The following CMTM8 variants were observed in gnomAD, a reference collection of about 807,000 sequenced individuals.
CMTM8 encodes CKLF-like MARVEL transmembrane domain-containing protein 8.
A neutral mutation model predicts 18.6 loss-of-function variants in CMTM8; 12 were observed. That is an observed-to-expected ratio of 0.65 (90% CI 0.41 to 1.05). The LOEUF (loss-of-function observed/expected upper bound fraction) is 1.05. CMTM8 is among the 50% of genes least tolerant of loss of function. CMTM8 has a pLI of 0.00. For synonymous variants in CMTM8, 87 were observed against 90.6 expected, an observed-to-expected ratio of 0.96 and a Z score of 0.23; for missense variants, 217 against 227.2, an observed-to-expected ratio of 0.95 and a Z score of 0.29.
At chr3:32,308,740 T>C (rs1226473360) in intron 1 of CMTM8, among the ~76,000 whole-genome samples, 5 of 152,186 alleles carry the variant, frequency 3.3e-5, no homozygotes, top group African/African-American at 1.2e-4. Flanking sequence ...TTAATGTATT[T>C]TAATATGAGT....
At chr3:32,367,020 G>A (rs1388599204) in intron 2 of CMTM8, among the ~76,000 whole-genome samples, 3 of 152,152 alleles carry the variant, frequency 2.0e-5, no homozygotes, top group African/African-American at 4.8e-5. Flanking sequence ...AGAAGAAAGA[G>A]ATTGCTTCCT....
chr3:32,306,975 G>T (rs964588502), intron 1 of CMTM8, among the ~76,000 whole-genome samples: 2 of 152,172 alleles, frequency 1.3e-5, no homozygotes, highest in Non-Finnish European at 2.9e-5. Flanking sequence ...TTGGGAGGCC[G>T]AGGTAGGTGG....
intron 2 of CMTM8, among the ~76,000 whole-genome samples, chr3:32,363,547 T>A (rs1372954263): frequency 6.6e-6 from 1 of 152,210 alleles, no homozygotes; most frequent in East Asian, 1.9e-4. Flanking sequence ...CGTTACCATA[T>A]AATAAGAGAG....
intron 1 of CMTM8, among the ~76,000 whole-genome samples, chr3:32,351,724 T>A (rs867443910): frequency 1.6e-3 from 231 of 142,050 alleles, no homozygotes; most frequent in African/African-American, 4.4e-3. Flanking sequence ...AAAAAAAAAA[T>A]ATGTAAAAAC....
At chr3:32,259,813 T>C in intron 1 of CMTM8, 1 of 822,730 alleles carries the variant, frequency 1.2e-6, no homozygotes, top group Admixed American at 1.7e-5. Flanking sequence ...TTGGAGCTGC[T>C]GAGATGCCAC....
At chr3:32,249,932 A>T (rs1175324029) in intron 1 of CMTM8, among the ~76,000 whole-genome samples, 1 of 152,116 alleles carries the variant, frequency 6.6e-6, no homozygotes, top group African/African-American at 2.4e-5. Context: ...TGTGCTTTTG[A>T]TGTCATATCT....
In CMTM8 at chr3:32,295,470, AAAAAAAAACAAAAC is replaced by A. The variant is rs1182442700; in HGVS notation, c.147+56356_147+56369del. ...GACTCCATCTCAAAAAAAAAAAAAA[AAAAAAAAACAAAAC>A]AAAACAGCGGAAAGAGAAAATCCCT... On this transcript the variant is annotated intron_variant, in intron 1 of 3. Transcript: ENST00000307526. Among the ~76,000 whole-genome samples, 250 of 141,078 alleles carry A rather than the reference AAAAAAAAACAAAAC, an allele frequency of 1.8e-3. 7 individuals are homozygous for A. The highest frequency in any genetic ancestry group is 5.2e-3 in the African/African-American group (186 of 35,624). 92.6% of individuals were successfully genotyped at this position (141,078 alleles called of 152,430 possible). A position where few individuals can be genotyped will look rare whatever the true frequency, so the allele number is the denominator to read the frequency against.
chr3:32,246,287 A>C (rs1473451196), intron 1 of CMTM8, among the ~76,000 whole-genome samples: 1 of 152,112 alleles, frequency 6.6e-6, no homozygotes, highest in East Asian at 1.9e-4. Flanking sequence ...TACTGGTGTC[A>C]TCAGCATGAG....
intron 1 of CMTM8, among the ~76,000 whole-genome samples, chr3:32,340,463 G>A (rs1004668587): frequency 2.0e-5 from 3 of 152,180 alleles, no homozygotes; most frequent in Non-Finnish European, 2.9e-5. Flanking sequence ...ATACTCTTCC[G>A]TTGTATAATC....
chr3:32,252,523 C>T (rs1702125368), intron 1 of CMTM8, among the ~76,000 whole-genome samples: 2 of 152,210 alleles, frequency 1.3e-5, no homozygotes, highest in South Asian at 4.1e-4. Flanking sequence ...TTCATTTATT[C>T]AGGTTATTTT....
intron 1 of CMTM8, among the ~76,000 whole-genome samples, chr3:32,351,195 GGAAGACACT>G (rs1696700158): frequency 2.0e-5 from 3 of 152,218 alleles, no homozygotes; most frequent in East Asian, 3.9e-4. Flanking sequence ...ACAATATATT[GGAAGACACT>G]GAAGACACTG....
chr3:32,281,354 C>G (rs1702606891), intron 1 of CMTM8, among the ~76,000 whole-genome samples: 1 of 152,116 alleles, frequency 6.6e-6, no homozygotes, highest in Non-Finnish European at 1.5e-5. Flanking sequence ...CACATGCATT[C>G]TCATCAAGGG....
At chr3:32,259,290 C>T (rs913241875) in intron 1 of CMTM8, 14 of 673,192 alleles carry the variant, frequency 2.1e-5, no homozygotes, top group South Asian at 1.7e-4. Flanking sequence ...GCAAAATCCC[C>T]TGAAGGGACC....
chr3:32,258,296 C>T (rs982012713), intron 1 of CMTM8, among the ~76,000 whole-genome samples: 1 of 152,030 alleles, frequency 6.6e-6, no homozygotes, highest in African/African-American at 2.4e-5. Flanking sequence ...TCTAGCTTTT[C>T]GGCACTACTA....
At chr3:32,267,698 C>G (rs1032128910) in intron 1 of CMTM8, among the ~76,000 whole-genome samples, 1 of 152,112 alleles carries the variant, frequency 6.6e-6, no homozygotes, top group African/African-American at 2.4e-5. Flanking sequence ...TTTCAATCTG[C>G]TCACCTAACA....
Position 32,335,154 on chromosome 3 carries a change from C to T in CMTM8, c.148-22219C>T, listed in dbSNP as rs139288463. ...AGAACTCTGTCCTGCCAGGCTCTTC[C>T]GTCAGAGATGGAAGGAAGGATCTGG... On this transcript the variant is annotated intron_variant, in intron 1 of 3. Transcript: ENST00000307526. 1.6e-3 allele frequency among the ~76,000 whole-genome samples: 251 copies of T among 152,276 alleles called. 1 individual carries two copies. The highest frequency in any genetic ancestry group is 5.7e-3 in the African/African-American group (238 of 41,554).
chr3:32,334,724 T>C (rs1297443656), intron 1 of CMTM8, among the ~76,000 whole-genome samples: 1 of 152,206 alleles, frequency 6.6e-6, no homozygotes, highest in African/African-American at 2.4e-5. Context: ...TTTGCCATAT[T>C]CTTTTGCCTT....
At chr3:32,305,470 T>G (rs1366217878) in intron 1 of CMTM8, among the ~76,000 whole-genome samples, 1 of 152,222 alleles carries the variant, frequency 6.6e-6, no homozygotes, top group Non-Finnish European at 1.5e-5. Context: ...GACAAATATG[T>G]GCAGTGTATG....
chr3:32,257,349 AGGG>A (rs1642916297), intron 1 of CMTM8, among the ~76,000 whole-genome samples: 1 of 152,214 alleles, frequency 6.6e-6, no homozygotes. Context: ...GCTTCGGCAT[AGGG>A]AGATTTCTCT....
Sources: allele counts gnomAD v4.1 joint callset (sites outside exome capture counted in the v4.1 genomes callset), GRCh38; gene constraint gnomAD v4.1.1; transcripts MANE v1.5; gene names NCBI Gene and HGNC (gene_info 2026-07-23, HGNC 2026-07-21).